ITGA2B: variants seen among roughly 807,000 people sequenced by gnomAD.
ITGA2B encodes integrin alpha-IIb.
Under a neutral mutation model 142.0 loss-of-function variants are expected in ITGA2B, and 91 were observed. That is an observed-to-expected ratio of 0.64 (90% confidence interval 0.54 to 0.76). The LOEUF is 0.76. Ranked by LOEUF, ITGA2B falls within the 30% of genes least tolerant of loss-of-function variation. The probability of loss-of-function intolerance (pLI) is 0.00; values close to 1 mark genes in which losing one functional copy is unlikely to be tolerated. For missense variants in ITGA2B, 1,231 were observed against 1,350.8 expected (o/e 0.91, Z 1.39); for synonymous variants, 536 against 567.2 (o/e 0.94, Z 0.78).
intron 12 of ITGA2B, among the ~76,000 whole-genome samples, chr17:44,382,042 C>T (rs2048602036): frequency 1.3e-5 from 2 of 152,122 alleles, no homozygotes; most frequent in Non-Finnish European, 2.9e-5. Flanking sequence ...CACTGTTATG[C>T]TATAATCCCA....
Position 44,384,117 on chromosome 17 carries a change from A to T in ITGA2B, c.913T>A (p.Tyr305Asn). ...LGAVEILDSY[Y>N]QRLHRLRGEQ... ...CCGCGCAGCCGATGCAGCCTCTGGT[A>T]GTAGGAATCCAAAATTTCCACCTGC... The change falls in exon 10 of 30, where the codon TAC (tyrosine) becomes AAC (asparagine). Residue 305 changes from tyrosine (Y) to asparagine (N), a missense_variant. Tyr to Asn is a moderately radical substitution (Grantham distance 143). This residue lies in a region of ITGA2B where 908 missense variants were observed against 1,021.1 expected (regional missense o/e 0.89). Transcript: ENST00000262407. The T allele has an allele frequency of 6.2e-7, 1 of 1,613,550 alleles. No individual in the cohort carries two copies. Among genetic ancestry groups the T allele is most frequent in the Non-Finnish European group, 8.5e-7 (1 of 1,179,846 alleles).
rs1291091881 is a variant in ITGA2B at position 44,385,639 on chromosome 17, A to C, written c.486T>G (p.Phe162Leu). Residue 162 changes from phenylalanine (F) to leucine (L), a missense_variant, in exon 4 of 30, where the codon TTT becomes TTG. Physicochemically the swap from Phe to Leu is conservative, Grantham distance 22. Around this residue, in one of 3 missense-constraint regions of ITGA2B, gnomAD observed 318 missense variants for 312.2 expected, o/e 1.02. Transcript: ENST00000262407. ...GGCGGCCGCTCTCTGGCTGAGCCAA[A>C]AAGCAGCTACCTACGGGCGTCTTCT... ...EAEKTPVGSC[F>L]LAQPESGRRA... 1.9e-6 allele frequency: 3 copies of C among 1,613,604 alleles called. No individual in the cohort carries two copies. The East Asian group carries it at 6.7e-5, about 36-fold the overall frequency.
chr17:44,374,265 TG>T, intron 29 of ITGA2B, 88 bp downstream of exon 29: 1 of 1,130,268 alleles, frequency 8.8e-7, no homozygotes, highest in Non-Finnish European at 1.3e-6. Context: ...CCCACTTGGG[TG>T]GGCCACCATC....
At chr17:44,384,494 C>T (rs747703719) in intron 8 of ITGA2B, 44 bp downstream of exon 8, 3 of 1,613,290 alleles carry the variant, frequency 1.9e-6, no homozygotes, top group African/African-American at 1.3e-5. Flanking sequence ...GGCGCTCCTC[C>T]CCGGGCTGGG....
At position 44,383,483 on chromosome 17, in the gene ITGA2B, CT is replaced by C. The variant is rs1319136769; in HGVS notation, c.1210+9del. The stretch of plus-strand genomic sequence containing the variant: ...CCTCTGCAGCAAGTAGGGCTCCTCT[CT>C]TCCCTCACCATTGTAGCCATCCCGG... On this transcript the variant is annotated intron_variant, in intron 12 of 29. Transcript: ENST00000262407. The C allele has an allele frequency of 6.2e-7, 1 of 1,603,728 alleles. No individual in the cohort carries two copies. The highest frequency in any genetic ancestry group is 1.7e-5 in the Admixed American group (1 of 59,238).
rs2048503970 is a variant in ITGA2B at position 44,372,318 on chromosome 17, A to C, written c.*46T>G. On this transcript the variant is annotated 3_prime_UTR_variant, in exon 30 of 30. Transcript: ENST00000262407. ...CAACTTGTTGGAGAAGGGGCGGTGC[A>C]GGTAGCACGCCCAACCCTCCTGCTA... 1.3e-6 allele frequency: 2 copies of C among 1,591,476 alleles called. No homozygotes were observed. Among genetic ancestry groups the C allele is most frequent in the Non-Finnish European group, 1.7e-6 (2 of 1,159,514 alleles).
chr17:44,381,100 T>G, intron 12 of ITGA2B, 39 bp from the exon 13 acceptor site: 1 of 1,597,726 alleles, frequency 6.3e-7, no homozygotes, highest in East Asian at 2.2e-5. Context: ...TGATTGTTAT[T>G]CAGCCTCCCT....
chr17:44,382,711 C>T (rs2143472979), intron 12 of ITGA2B, among the ~76,000 whole-genome samples: 1 of 152,132 alleles, frequency 6.6e-6, no homozygotes, highest in Non-Finnish European at 1.5e-5. Flanking sequence ...AATATTTCTC[C>T]AGCCCCACCT....
Position 44,385,922 on chromosome 17 carries a change from C to G in ITGA2B, c.311-1G>C. ...GAGCCTACATTTCGGGTCTCATCAC[C>G]TGGAAGGCACAAGAAGGGGTGGGGC... On this transcript the variant is annotated splice_acceptor_variant, in intron 2 of 29. Coordinates refer to ENST00000262407, the MANE Select transcript of ITGA2B (RefSeq NM_000419.5). LOFTEE classifies it high-confidence loss of function. 6.2e-7 allele frequency: 1 copy of G among 1,613,656 alleles called. No individual in the cohort carries two copies. The highest frequency in any genetic ancestry group is 8.5e-7 in the Non-Finnish European group (1 of 1,179,792).
intron 21 of ITGA2B, among the ~76,000 whole-genome samples, chr17:44,377,421 C>T (rs543562531): frequency 2.2e-4 from 34 of 151,980 alleles, no homozygotes; most frequent in Non-Finnish European, 4.7e-4. Context: ...GTCTTGAACT[C>T]CTGACCTCGT....
Position 44,384,554 on chromosome 17 carries a change from C to A in ITGA2B, c.831G>T (p.Gly277=). The change falls in exon 8 of 30, where the codon GGG becomes GGT. Residue 277 remains glycine (G), a synonymous_variant. Coordinates refer to ENST00000262407, the MANE Select transcript of ITGA2B (RefSeq NM_000419.5). ...ATTTCTTGCCTGTAGTGTTGAGATC[C>A]CCGTCGAACTCGCCCACGGCCACCG... ...GYSVAVGEFD[G]DLNTTEYVVG... is the part of the protein sequence containing the mutation. 1 of 1,614,086 alleles carries A rather than the reference C, an allele frequency of 6.2e-7. No individual in the cohort carries two copies. Among genetic ancestry groups the A allele is most frequent in the Non-Finnish European group, 8.5e-7 (1 of 1,180,038 alleles).
At chr17:44,381,125 C>G in intron 12 of ITGA2B, 64 bp from the exon 13 acceptor site, 1 of 1,492,566 alleles carries the variant, frequency 6.7e-7, no homozygotes, top group South Asian at 1.2e-5. Flanking sequence ...GACTGTAAAA[C>G]TTTCCTGAGC....
intron 12 of ITGA2B, among the ~76,000 whole-genome samples, chr17:44,383,016 C>T (rs2048610216): frequency 6.6e-6 from 1 of 152,156 alleles, no homozygotes; most frequent in African/African-American, 2.4e-5. Context: ...GGGAGAGCCA[C>T]TCCCAACTGT....
chr17:44,384,425 G>A, intron 8 of ITGA2B, 71 bp from the exon 9 acceptor site: 1 of 1,606,164 alleles, frequency 6.2e-7, no homozygotes, highest in Non-Finnish European at 8.5e-7. Flanking sequence ...TCCCCGTTCT[G>A]CACCCAGGGA....
At chr17:44,380,353 A>G in intron 15 of ITGA2B, 33 bp downstream of exon 15, 2 of 1,614,012 alleles carry the variant, frequency 1.2e-6, no homozygotes, top group Non-Finnish European at 1.7e-6. Context: ...GAGGTCCCAG[A>G]TCCTTTAAGG....
chr17:44,383,756 C>G, intron 11 of ITGA2B, 52 bp from the exon 12 acceptor site: 1 of 1,551,728 alleles, frequency 6.4e-7, no homozygotes, highest in Non-Finnish European at 8.7e-7. Flanking sequence ...TATATTGGGG[C>G]TAGGGCCAAA....
chr17:44,376,604 T>G (rs1466301067), intron 22 of ITGA2B, among the ~76,000 whole-genome samples: 1 of 152,026 alleles, frequency 6.6e-6, no homozygotes, highest in Non-Finnish European at 1.5e-5. Flanking sequence ...CAAAGACCTT[T>G]TTTTTTTTCT....
rs375195998 is a variant in ITGA2B, at chr17:44,380,625, C to T, written c.1414G>A (p.Gly472Arg). The change falls in exon 14 of 30, where the codon GGG becomes AGG. Residue 472 changes from glycine to arginine, a missense_variant. Around this residue, in one of 3 missense-constraint regions of ITGA2B, gnomAD observed 908 missense variants for 1,021.1 expected, o/e 0.89. Coordinates refer to ENST00000262407, the MANE Select transcript of ITGA2B (RefSeq NM_000419.5). ...CTGTACACAGCCACCTGGTTGGCCC[C>T]GTAAGCTCCCACGATCAGGTCTATA... ...GYPDLIVGAYGANQVAVYRAQ... is the reference protein window; with the variant it reads ...GYPDLIVGAYRANQVAVYRAQ... The T allele has an allele frequency of 3.9e-5, 63 of 1,614,074 alleles. No individual in the cohort carries two copies. The highest frequency in any genetic ancestry group is 6.7e-5 in the Admixed American group (4 of 60,000).
At chr17:44,384,690 G>T in intron 7 of ITGA2B, 105 bp from the exon 8 acceptor site, 1 of 1,413,582 alleles carries the variant, frequency 7.1e-7, no homozygotes, top group Non-Finnish European at 1.0e-6. Context: ...GCCCTGCATT[G>T]TGCAGATGGA....
Sources: allele counts gnomAD v4.1 joint callset (sites outside exome capture counted in the v4.1 genomes callset), GRCh38; gene constraint gnomAD v4.1.1; regional missense constraint gnomAD v4.1.1; transcripts MANE v1.5; gene names NCBI Gene and HGNC (gene_info 2026-07-23, HGNC 2026-07-21).